The following ENAH variants were observed in gnomAD, a reference collection of about 807,000 sequenced individuals.
ENAH encodes ENAH actin regulator.
ENAH carries 23 observed loss-of-function variants against 78.7 expected under a neutral mutation model. The ratio of observed to expected loss-of-function variants is 0.29; its 90% CI spans 0.21 to 0.41. The LOEUF (loss-of-function observed/expected upper bound fraction) is 0.41, where lower values mean the gene tolerates loss of function less well. ENAH is among the 10% of genes least tolerant of loss of function. ENAH has a pLI of 1.00. For synonymous variants in ENAH, 226 were observed against 241.0 expected (o/e 0.94, Z 0.58); for missense variants, 544 against 691.0 (o/e 0.79, Z 2.39).
chr1:225,615,398 T>A (rs2097021480), intron 1 of ENAH, among the ~76,000 whole-genome samples: 1 of 152,032 alleles, frequency 6.6e-6, no homozygotes, highest in Admixed American at 6.5e-5. Flanking sequence ...CGCTACAACC[T>A]CCACCTCCCA....
rs565048687 is a variant in ENAH at position 225,540,187 on chromosome 1, T to C, written c.350-9549A>G. Among the ~76,000 whole-genome samples the C allele has an allele frequency of 2.6e-5, 4 of 152,180 alleles. No homozygotes were observed. In the East Asian group the frequency reaches 7.7e-4, roughly 29 times the overall value. Reference sequence around the variant, plus strand: ...TCGTTTCTTTCACTCTGGATGCGAGTGGGCAACAGAGAGAAAATAAACCTG... The same window carrying C: ...TCGTTTCTTTCACTCTGGATGCGAGCGGGCAACAGAGAGAAAATAAACCTG... On this transcript the variant is annotated intron_variant, in intron 3 of 13. Coordinates refer to ENST00000366843, the MANE Select transcript of ENAH (RefSeq NM_018212.6).
Position 225,541,117 on chromosome 1 carries a change from G to A in ENAH, c.350-10479C>T, listed in dbSNP as rs575054324. 2.6e-5 allele frequency among the ~76,000 whole-genome samples: 4 copies of A among 152,258 alleles called. No individual in the cohort carries two copies. In the East Asian group the frequency reaches 5.8e-4, roughly 22 times the overall value. ...AGGGACAATGACTTAAGGGTAGAGG[G>A]TTTCTTTCTGGTGTGGTTAAAAATG... On this transcript the variant is annotated intron_variant, in intron 3 of 13. Coordinates refer to ENST00000366843, the MANE Select transcript of ENAH (RefSeq NM_018212.6).
At position 225,488,874 on chromosome 1, in the gene ENAH, G is replaced by A. The variant is rs1164074894; in HGVS notation, c.*8901C>T. On this transcript the variant is annotated 3_prime_UTR_variant, in exon 14 of 14. Coordinates refer to ENST00000366843, the MANE Select transcript of ENAH (RefSeq NM_018212.6). ...CAGAGCCCTCAAATGGCACGGAAGCGGCACCTGGTCTGCCAAGACATTGCT... is the reference window on the plus strand; with the variant it reads ...CAGAGCCCTCAAATGGCACGGAAGCAGCACCTGGTCTGCCAAGACATTGCT... 3 of 152,198 alleles carry A rather than the reference G, an allele frequency of 2.0e-5. No individual in the cohort carries two copies. The highest frequency in any genetic ancestry group is 7.2e-5 in the African/African-American group (3 of 41,444). 9.4% of individuals were successfully genotyped at this position (152,198 alleles called of 1,614,324 possible).
chr1:225,639,705 A>AACACACACACACAC (rs374646635), intron 1 of ENAH, among the ~76,000 whole-genome samples: 92 of 138,632 alleles, frequency 6.6e-4, no homozygotes, highest in East Asian at 2.1e-3. Context: ...GGCGGGATTA[A>AACACACACACACAC]ACACACACAC....
At chr1:225,520,103 G>A (rs2096455486) in intron 4 of ENAH, among the ~76,000 whole-genome samples, 2 of 152,024 alleles carry the variant, frequency 1.3e-5, no homozygotes, top group African/African-American at 4.8e-5. Flanking sequence ...AGACTGGCCT[G>A]GCCAACATGG....
At chr1:225,605,005 T>G (rs2096950003) in intron 1 of ENAH, among the ~76,000 whole-genome samples, 1 of 152,214 alleles carries the variant, frequency 6.6e-6, no homozygotes, top group Non-Finnish European at 1.5e-5. Flanking sequence ...GCTCTTGTCC[T>G]TATGCATCAA....
At chr1:225,527,564 G>T (rs947656912) in intron 4 of ENAH, among the ~76,000 whole-genome samples, 3 of 152,264 alleles carry the variant, frequency 2.0e-5, no homozygotes, top group Admixed American at 2.0e-4. Flanking sequence ...TCCAAGTATG[G>T]TTTAACCACA....
intron 1 of ENAH, among the ~76,000 whole-genome samples, chr1:225,607,422 T>C (rs1188548675): frequency 6.8e-6 from 1 of 147,562 alleles, no homozygotes; most frequent in Non-Finnish European, 1.5e-5. Context: ...CTTAGTAGGC[T>C]GAAGAAAACA....
chr1:225,537,543 CTCTT>C (rs1185616954), intron 3 of ENAH, among the ~76,000 whole-genome samples: 4 of 152,186 alleles, frequency 2.6e-5, no homozygotes, highest in Admixed American at 1.3e-4. Context: ...ATACCATTAA[CTCTT>C]TCTTCATTCA....
rs1269712867 is a variant in ENAH at position 225,489,575 on chromosome 1, A to G, written c.*8200T>C. 6.6e-6 allele frequency: 1 copy of G among 151,622 alleles called. No homozygotes were observed. The highest frequency in any genetic ancestry group is 1.5e-5 in the Non-Finnish European group (1 of 67,836). 9.4% of individuals were successfully genotyped at this position (151,622 alleles called of 1,614,324 possible). A position where few individuals can be genotyped will look rare whatever the true frequency, so the allele number is the denominator to read the frequency against. On this transcript the variant is annotated 3_prime_UTR_variant, in exon 14 of 14. Coordinates refer to ENST00000366843, the MANE Select transcript of ENAH (RefSeq NM_018212.6). ...CTTCTCTTCAAAGATCAAAAGAAGA[A>G]TAAACCAAAAAAGATTAAAAAAAAA...
chr1:225,500,871 T>TA (rs2096278336), intron 12 of ENAH, 121 bp downstream of exon 12: 1 of 906,974 alleles, frequency 1.1e-6, no homozygotes, highest in Admixed American at 2.7e-5. Flanking sequence ...GTTTAATTTG[T>TA]ATAACAATAG....
At chr1:225,517,733 G>T in intron 5 of ENAH, 1 of 1,551,224 alleles carries the variant, frequency 6.4e-7, no homozygotes, top group South Asian at 1.2e-5. Flanking sequence ...AGAGGACGAG[G>T]AACTGTAGCG....
rs985042699 is a variant in ENAH, at chr1:225,517,304, C to T, written c.805G>A (p.Ala269Thr). The change falls in exon 6 of 14, where the codon GCC becomes ACC. Residue 269 changes from alanine (A) to threonine (T), a missense_variant and splice_region_variant. Ala to Thr is a moderately conservative substitution (Grantham distance 58, BLOSUM62 0). Around this residue, in one of 4 missense-constraint regions of ENAH, gnomAD observed 366 missense variants for 396.1 expected, o/e 0.92. Transcript: ENST00000366843. ...ERERRISSAA[A>T]PASVETPLNS... ...AGAGGAGTCTCAACAGAGGCAGGGG[C>T]AGCTGCAGAGGGAGAAGGGAGAACA... 6.4e-7 allele frequency: 1 copy of T among 1,551,722 alleles called. No individual in the cohort carries two copies. The highest frequency in any genetic ancestry group is 8.7e-7 in the Non-Finnish European group (1 of 1,147,058).
At chr1:225,557,477 C>T (rs1480454513) in intron 2 of ENAH, among the ~76,000 whole-genome samples, 1 of 152,094 alleles carries the variant, frequency 6.6e-6, no homozygotes, top group Non-Finnish European at 1.5e-5. Context: ...TAACAAGTAT[C>T]TTTATTTTCT....
chr1:225,512,688 G>A lies in ENAH; in HGVS notation c.1391C>T (p.Thr464Ile), dbSNP rs75986582. The change falls in exon 9 of 14, where the codon ACA (threonine) becomes ATA (isoleucine). Residue 464 changes from threonine to isoleucine, a missense_variant. Thr to Ile is a moderately conservative substitution (Grantham distance 89). Around this residue, in one of 4 missense-constraint regions of ENAH, gnomAD observed 97 missense variants for 124.4 expected, o/e 0.78. Coordinates refer to ENST00000366843, the MANE Select transcript of ENAH (RefSeq NM_018212.6). ...GTCCTCTTTTTGTTCTGTTTCTATTGTTGATCCCTTTTCAGCAATTCTTCT... is the reference window on the plus strand; with the variant it reads ...GTCCTCTTTTTGTTCTGTTTCTATTATTGATCCCTTTTCAGCAATTCTTCT... ...RRRRIAEKGS[T>I]IETEQKEDKG... 1 of 1,613,416 alleles carries A rather than the reference G, an allele frequency of 6.2e-7. No homozygotes were observed. Among genetic ancestry groups the A allele is most frequent in the Non-Finnish European group, 8.5e-7 (1 of 1,179,798 alleles).
At chr1:225,531,338 T>C (rs146024438) in intron 3 of ENAH, among the ~76,000 whole-genome samples, 1 of 152,262 alleles carries the variant, frequency 6.6e-6, no homozygotes, top group African/African-American at 2.4e-5. Context: ...GAGACACTAA[T>C]GACCATCCAT....
chr1:225,515,899 C>T (rs1472723615), intron 6 of ENAH, among the ~76,000 whole-genome samples: 3 of 152,228 alleles, frequency 2.0e-5, no homozygotes, highest in Non-Finnish European at 2.9e-5. Context: ...TACAGTATAA[C>T]TGTCATGGTG....
chr1:225,614,646 G>GT (rs1167954438), intron 1 of ENAH, among the ~76,000 whole-genome samples: 1 of 152,036 alleles, frequency 6.6e-6, no homozygotes, highest in African/African-American at 2.4e-5. Context: ...AGATAGGTTG[G>GT]TTGCTTCTCC....
In ENAH at chr1:225,495,459, T is replaced by TC. The variant is rs1343406532; in HGVS notation, c.*2315_*2316insG. ...AATATAGCATGATTCAACACTGGTT[T>TC]TTTTTTTTTTTTTTTTTTGTCAGTT... On this transcript the variant is annotated 3_prime_UTR_variant, in exon 14 of 14. Transcript: ENST00000366843. 3.0e-5 allele frequency: 4 copies of TC among 133,550 alleles called. No homozygotes were observed. Among genetic ancestry groups the TC allele is most frequent in the Non-Finnish European group, 6.8e-5 (4 of 59,038 alleles). The allele number at this position is 133,550 out of a possible 1,614,324, so 8.3% of individuals were successfully genotyped here.
Sources: gnomAD v4.1 joint callset for allele counts (sites outside exome capture counted in the v4.1 genomes callset) on GRCh38, gnomAD v4.1.1 for gene constraint, gnomAD v4.1.1 regional missense constraint, MANE v1.5 for transcripts, NCBI Gene and HGNC (gene_info 2026-07-23, HGNC 2026-07-21) for gene names.